Variants in PPFIA2 observed in about 807,000 individuals in gnomAD.
PPFIA2 encodes liprin-alpha-2.
PPFIA2 carries 46 observed loss-of-function variants against 175.5 expected under a neutral mutation model. The observed-to-expected ratio is 0.26, with a 90% CI of 0.21 to 0.34. The LOEUF is 0.34. Ranked by LOEUF, PPFIA2 falls within the 10% of genes least tolerant of loss-of-function variation. The pLI is 1.00. For synonymous variants in PPFIA2, 568 were observed against 511.4 expected, an observed-to-expected ratio of 1.11 and a Z score of -1.49; for missense variants, 1,179 against 1,506.1, an observed-to-expected ratio of 0.78 and a Z score of 3.60.
intron 4 of PPFIA2, among the ~76,000 whole-genome samples, chr12:81,611,872 G>A (rs1280406242): frequency 1.3e-5 from 2 of 152,102 alleles, no homozygotes; most frequent in East Asian, 3.9e-4. Flanking sequence ...AGGGGATGCA[G>A]GGTCCCCTGT....
intron 4 of PPFIA2, among the ~76,000 whole-genome samples, chr12:81,531,545 G>A (rs931809510): frequency 5.9e-5 from 9 of 151,338 alleles, no homozygotes; most frequent in Non-Finnish European, 8.9e-5. Flanking sequence ...AACTTACAAA[G>A]GACAAAACAA....
intron 7 of PPFIA2, among the ~76,000 whole-genome samples, chr12:81,432,285 A>G (rs2048224536): frequency 6.6e-6 from 1 of 152,044 alleles, no homozygotes; most frequent in Non-Finnish European, 1.5e-5. Flanking sequence ...TTTTTAACAA[A>G]TAGATAGGGT....
intron 4 of PPFIA2, among the ~76,000 whole-genome samples, chr12:81,522,625 T>A (rs2153247137): frequency 6.6e-6 from 1 of 152,332 alleles, no homozygotes; most frequent in African/African-American, 2.4e-5. Context: ...TTATAAAAAT[T>A]ACAGCACTAC....
intron 22 of PPFIA2, among the ~76,000 whole-genome samples, chr12:81,322,396 C>T (rs990772915): frequency 6.6e-6 from 1 of 151,886 alleles, no homozygotes; most frequent in Non-Finnish European, 1.5e-5. Flanking sequence ...CATGGCATCC[C>T]CAGATGAAGT....
chr12:81,597,596 T>C (rs1014087776), intron 4 of PPFIA2, among the ~76,000 whole-genome samples: 3 of 152,146 alleles, frequency 2.0e-5, no homozygotes, highest in African/African-American at 7.2e-5. Flanking sequence ...AATCTTACTC[T>C]TTCTGCGACG....
intron 3 of PPFIA2, among the ~76,000 whole-genome samples, chr12:81,726,131 T>C (rs192035260): frequency 7.3e-4 from 111 of 151,292 alleles, no homozygotes; most frequent in Non-Finnish European, 1.2e-3. Context: ...TCTACTGATA[T>C]CCTATAACAT....
At chr12:81,717,325 TTCTTA>T (rs1214148711) in intron 3 of PPFIA2, among the ~76,000 whole-genome samples, 1 of 151,668 alleles carries the variant, frequency 6.6e-6, no homozygotes, top group Non-Finnish European at 1.5e-5. Flanking sequence ...GTAACAAGTG[TTCTTA>T]TCTTATGGGT....
chr12:81,642,596 A>AAT (rs984551924), intron 4 of PPFIA2, among the ~76,000 whole-genome samples: 14 of 143,664 alleles, frequency 9.7e-5, no homozygotes, highest in Non-Finnish European at 1.7e-4. Flanking sequence ...TAATATATGT[A>AAT]ATATATATAT....
chr12:81,500,418 A>T (rs1189351198), intron 4 of PPFIA2, among the ~76,000 whole-genome samples: 1 of 152,194 alleles, frequency 6.6e-6, no homozygotes, highest in Non-Finnish European at 1.5e-5. Flanking sequence ...ATGAGTGTTT[A>T]TGGATTTTGA....
chr12:81,609,341 C>A (rs2060654523), intron 4 of PPFIA2, among the ~76,000 whole-genome samples: 1 of 152,058 alleles, frequency 6.6e-6, no homozygotes, highest in Admixed American at 6.6e-5. Context: ...TGTTGTTTTG[C>A]TGCTTTGACA....
chr12:81,480,760 GCTGCCTGTTC>G (rs1337628005), intron 4 of PPFIA2, among the ~76,000 whole-genome samples: 1 of 152,096 alleles, frequency 6.6e-6, no homozygotes, highest in Non-Finnish European at 1.5e-5. Context: ...AGCAAAGATT[GCTGCCTGTTC>G]CTTCATCTGG....
chr12:81,598,070 C>T, intron 4 of PPFIA2: 1 of 1,534,232 alleles, frequency 6.5e-7, no homozygotes, highest in Non-Finnish European at 8.7e-7. Flanking sequence ...CAAGGAGCTA[C>T]AGATGCAGAG....
At chr12:81,388,447 A>T (rs139856868) in intron 8 of PPFIA2, among the ~76,000 whole-genome samples, 2 of 152,110 alleles carry the variant, frequency 1.3e-5, no homozygotes, top group African/African-American at 4.8e-5. Flanking sequence ...AGATCATCCT[A>T]ATCTATCATG....
At chr12:81,383,547 G>T (rs1055315889) in intron 9 of PPFIA2, among the ~76,000 whole-genome samples, 4 of 151,834 alleles carry the variant, frequency 2.6e-5, no homozygotes, top group African/African-American at 9.7e-5. Context: ...TGTCTAACAG[G>T]AATTTAATAT....
At position 81,268,095 on chromosome 12, in the gene PPFIA2, AAG is replaced by A. The variant is rs760548579; in HGVS notation, c.3311-10_3311-9del. The A allele has an allele frequency of 1.3e-6, 2 of 1,573,268 alleles. No individual in the cohort carries two copies. Among genetic ancestry groups the A allele is most frequent in the Non-Finnish European group, 1.7e-6 (2 of 1,157,610 alleles). On this transcript the variant is annotated splice_polypyrimidine_tract_variant and intron_variant, in intron 28 of 32. Coordinates refer to ENST00000549396, the MANE Select transcript of PPFIA2 (RefSeq NM_003625.5). ...TGCTCCACACCAACACGTCTAGGAAAAGAGATGCATCATTTTAGGATGCATTA... is the reference window on the plus strand; with the variant it reads ...TGCTCCACACCAACACGTCTAGGAAAAGATGCATCATTTTAGGATGCATTA...
chr12:81,413,015 T>C (rs1018941051), intron 7 of PPFIA2, among the ~76,000 whole-genome samples: 1 of 151,888 alleles, frequency 6.6e-6, no homozygotes, highest in Non-Finnish European at 1.5e-5. Flanking sequence ...TTTAAGTCTT[T>C]CAGATGAATT....
chr12:81,595,401 A>G (rs1365212151), intron 4 of PPFIA2, among the ~76,000 whole-genome samples: 1 of 152,142 alleles, frequency 6.6e-6, no homozygotes, highest in Non-Finnish European at 1.5e-5. Context: ...ACTTTTGTCA[A>G]TTAAAGGGCA....
chr12:81,466,523 C>A (rs560271179), intron 4 of PPFIA2, among the ~76,000 whole-genome samples: 1 of 152,286 alleles, frequency 6.6e-6, no homozygotes, highest in East Asian at 1.9e-4. Flanking sequence ...ATTCACTATG[C>A]TCCTACTGAA....
chr12:81,361,636 A>C (rs1233553486), intron 15 of PPFIA2, among the ~76,000 whole-genome samples: 2 of 151,648 alleles, frequency 1.3e-5, no homozygotes, highest in Non-Finnish European at 3.0e-5. Context: ...GAGAATCTGA[A>C]AAATGCTTTA....
Sources: gnomAD v4.1 joint callset for allele counts (sites outside exome capture counted in the v4.1 genomes callset) on GRCh38, gnomAD v4.1.1 for gene constraint, MANE v1.5 for transcripts, NCBI Gene and HGNC (gene_info 2026-07-23, HGNC 2026-07-21) for gene names.